Variants in DNAAF11 observed in about 807,000 individuals in gnomAD.
DNAAF11 encodes the protein leucine rich repeat containing 6.
A neutral mutation model predicts 60.8 loss-of-function variants in DNAAF11; 45 were observed. That is an observed-to-expected ratio of 0.74 (90% CI 0.58 to 0.95). The LOEUF is 0.95. DNAAF11 is among the 40% of genes least tolerant of loss of function. DNAAF11 has a pLI of 0.00. For missense variants in DNAAF11, 546 were observed against 546.2 expected, an observed-to-expected ratio of 1.00 and a Z score of 0.00; for synonymous variants, 191 against 183.5, an observed-to-expected ratio of 1.04 and a Z score of -0.33.
In DNAAF11 at chr8:132,583,876, T is replaced by C. The variant is rs182833406; in HGVS notation, c.1141-97A>G. ...GTATTTTAAAAGATACTAAAACATT[T>C]TAATTTTTTCTCTACATATTCCATG... On this transcript the variant is annotated intron_variant, in intron 10 of 11. Coordinates refer to ENST00000620350, the MANE Select transcript of DNAAF11 (RefSeq NM_012472.6). 12 of 841,956 alleles carry C rather than the reference T, an allele frequency of 1.4e-5. No homozygotes were observed. The Admixed American group carries it at 2.3e-4, about 16-fold the overall frequency. 52.2% of individuals were successfully genotyped at this position (841,956 alleles called of 1,614,324 possible). A position where few individuals can be genotyped will look rare whatever the true frequency, so the allele number is the denominator to read the frequency against.
chr8:132,586,320 A>G (rs1438948226), intron 10 of DNAAF11, among the ~76,000 whole-genome samples: 1 of 152,222 alleles, frequency 6.6e-6, no homozygotes, highest in Admixed American at 6.5e-5. Flanking sequence ...GCTATCCAAC[A>G]CAATAGCTAC....
chr8:132,651,107 CAGTGACCCTCTGGGGTCTAAAAAT>C (rs1822969393), intron 3 of DNAAF11, among the ~76,000 whole-genome samples: 1 of 152,112 alleles, frequency 6.6e-6, no homozygotes, highest in South Asian at 2.1e-4. Context: ...AGATCCAGCT[CAGTGACCCTCTGGGGTCTAAAAAT>C]CTTGGAAATC....
chr8:132,639,792 T>C (rs773953166), intron 3 of DNAAF11, among the ~76,000 whole-genome samples: 7 of 151,918 alleles, frequency 4.6e-5, no homozygotes, highest in Non-Finnish European at 1.0e-4. Flanking sequence ...CATCCACCCA[T>C]ATAGGAGTTA....
chr8:132,598,260 T>C (rs757391054), intron 10 of DNAAF11, among the ~76,000 whole-genome samples: 5 of 152,188 alleles, frequency 3.3e-5, no homozygotes, highest in Non-Finnish European at 7.3e-5. Context: ...TGTCTACTTA[T>C]CACATTTATT....
At chr8:132,650,728 T>C (rs1822925704) in intron 3 of DNAAF11, among the ~76,000 whole-genome samples, 2 of 152,186 alleles carry the variant, frequency 1.3e-5, no homozygotes, top group Non-Finnish European at 2.9e-5. Context: ...TTTGGGGTAA[T>C]CTGACTTAAG....
At chr8:132,595,922 G>A (rs1816971109) in intron 10 of DNAAF11, among the ~76,000 whole-genome samples, 1 of 152,072 alleles carries the variant, frequency 6.6e-6, no homozygotes. Context: ...GGTGGGAGGT[G>A]GTGTTAAGAA....
intron 10 of DNAAF11, among the ~76,000 whole-genome samples, chr8:132,606,451 T>A (rs560412766): frequency 1.3e-5 from 2 of 152,214 alleles, no homozygotes; most frequent in East Asian, 3.8e-4. Flanking sequence ...CAAAAAATTT[T>A]AAAAAGTAAA....
At chr8:132,652,561 T>C (rs1405832418) in intron 3 of DNAAF11, among the ~76,000 whole-genome samples, 1 of 151,852 alleles carries the variant, frequency 6.6e-6, no homozygotes, top group Non-Finnish European at 1.5e-5. Context: ...TTTAGAAGAA[T>C]AAAAAGTATG....
rs769455037 is a variant in DNAAF11 at position 132,583,751 on chromosome 8, C to T, written c.1169G>A (p.Arg390Gln). ...GGTAGTTTTCATAGATTTGAATGCTCGCTGACCACCTGTGATTACTTCTCC... is the reference window on the plus strand; with the variant it reads ...GGTAGTTTTCATAGATTTGAATGCTTGCTGACCACCTGTGATTACTTCTCC... ...KVGEVITGGQ[R>Q]AFKSMKTTSD... Residue 390 changes from arginine (R) to glutamine (Q), a missense_variant, in exon 11 of 12, where the codon CGA becomes CAA. Transcript: ENST00000620350. The T allele has an allele frequency of 7.4e-6, 12 of 1,613,512 alleles. No individual in the cohort carries two copies. Among genetic ancestry groups the T allele is most frequent in the South Asian group, 1.1e-5 (1 of 91,066 alleles).
intron 3 of DNAAF11, among the ~76,000 whole-genome samples, chr8:132,640,775 T>G (rs1205397609): frequency 6.6e-6 from 1 of 151,998 alleles, no homozygotes; most frequent in Non-Finnish European, 1.5e-5. Flanking sequence ...TATAAACTGA[T>G]TATATCCAAG....
chr8:132,638,107 C>G lies in DNAAF11; in HGVS notation c.257G>C (p.Gly86Ala). 1 of 1,611,086 alleles carries G rather than the reference C, an allele frequency of 6.2e-7. No individual in the cohort carries two copies. Among genetic ancestry groups the G allele is most frequent in the East Asian group, 2.2e-5 (1 of 44,850 alleles). Residue 86 changes from glycine to alanine, a missense_variant and splice_region_variant, in exon 4 of 12, where the codon GGA (glycine) becomes GCA (alanine). Coordinates refer to ENST00000620350, the MANE Select transcript of DNAAF11 (RefSeq NM_012472.6). ...GTCAAGTTTTGCCAGCTCTTCACATCCTGTTGAGAAAAATAAAGTGAAAAC... is the reference window on the plus strand; with the variant it reads ...GTCAAGTTTTGCCAGCTCTTCACATGCTGTTGAGAAAAATAAAGTGAAAAC... ...NNIEKIENLE[G>A]CEELAKLDLT...
At chr8:132,629,639 G>A (rs564508555) in intron 5 of DNAAF11, among the ~76,000 whole-genome samples, 3 of 152,022 alleles carry the variant, frequency 2.0e-5, no homozygotes, top group Admixed American at 6.6e-5. Context: ...GAGCCACTGC[G>A]CCCGGCCCAG....
intron 10 of DNAAF11, among the ~76,000 whole-genome samples, chr8:132,600,879 T>G (rs1817542353): frequency 1.3e-5 from 2 of 152,138 alleles, no homozygotes; most frequent in Non-Finnish European, 2.9e-5. Flanking sequence ...ACTTCATGTC[T>G]AAAACACCAA....
chr8:132,619,111 T>C (rs1586599692), intron 7 of DNAAF11, among the ~76,000 whole-genome samples: 1 of 152,154 alleles, frequency 6.6e-6, no homozygotes, highest in Admixed American at 6.5e-5. Context: ...TGGAATACTA[T>C]GCAGCCATAA....
chr8:132,621,851 A>G (rs1819795152), intron 7 of DNAAF11, among the ~76,000 whole-genome samples: 1 of 152,206 alleles, frequency 6.6e-6, no homozygotes, highest in Non-Finnish European at 1.5e-5. Context: ...GGTTCTGGAC[A>G]TGTAAAAAAG....
At chr8:132,605,301 A>C (rs1818022993) in intron 10 of DNAAF11, among the ~76,000 whole-genome samples, 1 of 152,074 alleles carries the variant, frequency 6.6e-6, no homozygotes, top group South Asian at 2.1e-4. Context: ...ATTTCTTCCC[A>C]CTGCCTCTAA....
At chr8:132,657,799 C>T (rs1048077529) in intron 2 of DNAAF11, among the ~76,000 whole-genome samples, 1 of 152,152 alleles carries the variant, frequency 6.6e-6, no homozygotes, top group African/African-American at 2.4e-5. Context: ...CATAATAACC[C>T]TATGAGGTCA....
At chr8:132,595,994 A>G (rs553434724) in intron 10 of DNAAF11, among the ~76,000 whole-genome samples, 1 of 152,298 alleles carries the variant, frequency 6.6e-6, no homozygotes, top group South Asian at 2.1e-4. Flanking sequence ...ATGCCTCCTA[A>G]TCATTGACTT....
In DNAAF11 at chr8:132,632,870, C is replaced by G. The variant is rs1379337413; in HGVS notation, c.523G>C (p.Asp175His). 3 of 1,613,826 alleles carry G rather than the reference C, an allele frequency of 1.9e-6. No individual in the cohort carries two copies. Among genetic ancestry groups the G allele is most frequent in the Admixed American group, 3.3e-5 (2 of 60,002 alleles). ...AGTTTGGCTCGTTTAAGACAGTGAT[C>G]TTTTTCCTGCTCTCTGATTTGTGGT... is the stretch of plus-strand genomic sequence containing the variant. ...IEPQIREQEK[D>H]HCLKRAKLKE... Residue 175 changes from aspartate to histidine, a missense_variant, in exon 5 of 12, where the codon GAT (aspartate) becomes CAT (histidine). Asp to His is a moderately conservative substitution (Grantham distance 81). Coordinates refer to ENST00000620350, the MANE Select transcript of DNAAF11 (RefSeq NM_012472.6).
Sources: allele counts gnomAD v4.1 joint callset (sites outside exome capture counted in the v4.1 genomes callset), GRCh38; gene constraint gnomAD v4.1.1; transcripts MANE v1.5; gene names NCBI Gene and HGNC (gene_info 2026-07-23, HGNC 2026-07-21).